ACO2: variants seen among roughly 807,000 people sequenced by gnomAD.
The protein encoded by ACO2 is aconitase 2.
ACO2 carries 31 observed loss-of-function variants against 84.5 expected under a neutral mutation model. The observed-to-expected ratio is 0.37, with a 90% CI of 0.28 to 0.50. ACO2 has a LOEUF of 0.50. Among genes scored for constraint, ACO2 ranks in the 20% least tolerant of loss-of-function variants. ACO2 has a pLI of 0.97. For synonymous variants in ACO2, 414 were observed against 412.7 expected, an observed-to-expected ratio of 1.00 and a Z score of -0.04; for missense variants, 685 against 1,029.3, an observed-to-expected ratio of 0.67 and a Z score of 4.58.
chr22:41,526,379 G>A lies in ACO2; in HGVS notation c.1879G>A (p.Gly627Ser), dbSNP rs145042292. The A allele has an allele frequency of 3.8e-4, 621 of 1,613,724 alleles. No individual in the cohort carries two copies. Among genetic ancestry groups the A allele is most frequent in the Admixed American group, 5.0e-4 (30 of 60,014 alleles). Reference protein sequence around the residue: ...LLIGAINIENGKANSVRNAVT... With the variant: ...LLIGAINIENSKANSVRNAVT... ...CATTGGTGCCATCAACATTGAAAAC[G>A]GCAAGGCCAACTCCGTGCGCAATGC... is the stretch of plus-strand genomic sequence containing the variant. Residue 627 changes from glycine (G) to serine (S), a missense_variant, in exon 15 of 18, where the codon GGC becomes AGC. By Grantham distance (56) the Gly-to-Ser change is moderately conservative. This residue lies in a region of ACO2 where 174 missense variants were observed against 236.6 expected (regional missense o/e 0.74). Transcript: ENST00000216254.
At chr22:41,489,828 T>C (rs1295399610) in intron 1 of ACO2, among the ~76,000 whole-genome samples, 1 of 151,998 alleles carries the variant, frequency 6.6e-6, no homozygotes, top group Admixed American at 6.6e-5. Context: ...TTTTCCTTCA[T>C]AGTGATAACT....
intron 1 of ACO2, among the ~76,000 whole-genome samples, chr22:41,490,899 C>T (rs190171859): frequency 9.9e-5 from 15 of 151,796 alleles, no homozygotes; most frequent in East Asian, 1.9e-4. Context: ...CTTTTCAGGC[C>T]GGGGGATTTT....
chr22:41,523,299 C>T, intron 11 of ACO2, 21 bp downstream of exon 11: 1 of 1,583,104 alleles, frequency 6.3e-7, no homozygotes, highest in Admixed American at 1.8e-5. Context: ...TATCTTTTGA[C>T]AAGACAGCCC....
chr22:41,527,638 C>A, intron 16 of ACO2: 1 of 809,214 alleles, frequency 1.2e-6, no homozygotes, highest in Non-Finnish European at 1.9e-6. Flanking sequence ...TAGATCTGAG[C>A]CGCTGAGATC....
At chr22:41,524,091 C>G (rs776438257) in intron 12 of ACO2, 150 bp downstream of exon 12, 34 of 667,552 alleles carry the variant, frequency 5.1e-5, no homozygotes, top group Non-Finnish European at 8.5e-5. Context: ...ATGCTTGGTG[C>G]TTCCTGCCTG....
At chr22:41,523,355 T>A in intron 11 of ACO2, 77 bp downstream of exon 11, 1 of 1,207,800 alleles carries the variant, frequency 8.3e-7, no homozygotes, top group African/African-American at 1.5e-5. Context: ...GGGGAATTAT[T>A]GGGGTGGAGA....
chr22:41,483,191 G>A (rs548545689), intron 1 of ACO2, among the ~76,000 whole-genome samples: 4 of 152,322 alleles, frequency 2.6e-5, no homozygotes, highest in South Asian at 2.1e-4. Context: ...GGCCTGAGAC[G>A]TAGGCTCCAA....
intron 1 of ACO2, among the ~76,000 whole-genome samples, chr22:41,486,765 C>T (rs933484448): frequency 9.9e-5 from 15 of 152,122 alleles, no homozygotes; most frequent in South Asian, 4.2e-4. Context: ...CCATTGCTCC[C>T]GGCCCATTGT....
intron 11 of ACO2, among the ~76,000 whole-genome samples, 156 bp from the exon 12 acceptor site, chr22:41,523,674 G>T (rs949281285): frequency 3.9e-5 from 6 of 152,190 alleles, no homozygotes; most frequent in Non-Finnish European, 8.8e-5. Flanking sequence ...TGCTCTGCGC[G>T]TGGCCCCAGG....
intron 2 of ACO2, among the ~76,000 whole-genome samples, 196 bp from the exon 3 acceptor site, chr22:41,507,595 G>A (rs2066403025): frequency 6.6e-6 from 1 of 152,212 alleles, no homozygotes; most frequent in Non-Finnish European, 1.5e-5. Context: ...CAAGTGCCAG[G>A]TGCTGCAGGA....
intron 1 of ACO2, among the ~76,000 whole-genome samples, chr22:41,476,388 CA>C: frequency 8.2e-6 from 1 of 122,622 alleles, no homozygotes; most frequent in South Asian, 2.6e-4. Context: ...GCCTGGGCAA[CA>C]AGAATGAAAC....
intron 15 of ACO2, chr22:41,527,074 C>G (rs1443575091): frequency 4.6e-6 from 3 of 652,138 alleles, no homozygotes; most frequent in Non-Finnish European, 7.8e-6. Context: ...TGCAAACAAC[C>G]ACGTGCCTCT....
intron 7 of ACO2, 132 bp downstream of exon 7, chr22:41,517,763 G>A (rs2066487169): frequency 6.6e-6 from 5 of 753,058 alleles, no homozygotes; most frequent in South Asian, 6.3e-5. Flanking sequence ...CCGAGGCTCT[G>A]AGAAAGCCCT....
intron 6 of ACO2, among the ~76,000 whole-genome samples, chr22:41,516,443 G>A (rs1007211053): frequency 6.6e-6 from 1 of 152,212 alleles, no homozygotes; most frequent in African/African-American, 2.4e-5. Flanking sequence ...GACCTGGCCT[G>A]GATGCCTGGT....
At chr22:41,522,187 C>T (rs2066532202) in intron 9 of ACO2, among the ~76,000 whole-genome samples, 1 of 152,124 alleles carries the variant, frequency 6.6e-6, no homozygotes, top group Non-Finnish European at 1.5e-5. Flanking sequence ...ATTGAATTAG[C>T]CAGGTGTGGT....
At chr22:41,510,227 T>A (rs533647797) in intron 3 of ACO2, among the ~76,000 whole-genome samples, 2 of 152,252 alleles carry the variant, frequency 1.3e-5, no homozygotes, top group African/African-American at 4.8e-5. Context: ...GAACCAGAGA[T>A]GGATCCAGGC....
chr22:41,483,509 T>A (rs1182677983), intron 1 of ACO2, among the ~76,000 whole-genome samples: 1 of 151,870 alleles, frequency 6.6e-6, no homozygotes, highest in Admixed American at 6.6e-5. Context: ...ATACAAAAAT[T>A]AGCTGGGCGT....
At chr22:41,509,099 G>A (rs1006560732) in intron 3 of ACO2, among the ~76,000 whole-genome samples, 1 of 152,170 alleles carries the variant, frequency 6.6e-6, no homozygotes, top group African/African-American at 2.4e-5. Flanking sequence ...ACACTGGTGG[G>A]GGTAATAATG....
chr22:41,520,644 C>T (rs2066517042), intron 9 of ACO2, among the ~76,000 whole-genome samples: 1 of 151,920 alleles, frequency 6.6e-6, no homozygotes, highest in Admixed American at 6.6e-5. Flanking sequence ...AGATCGAGAC[C>T]ATCCTGGCTA....
Sources: allele counts gnomAD v4.1 joint callset (sites outside exome capture counted in the v4.1 genomes callset), GRCh38; gene constraint gnomAD v4.1.1; regional missense constraint gnomAD v4.1.1; transcripts MANE v1.5; gene names NCBI Gene and HGNC (gene_info 2026-07-23, HGNC 2026-07-21).